Variants in PTPN3 observed in about 807,000 individuals in gnomAD.
The protein encoded by PTPN3 is tyrosine-protein phosphatase non-receptor type 3.
PTPN3 carries 96 observed loss-of-function variants against 132.7 expected under a neutral mutation model. That is an observed-to-expected ratio of 0.72 (90% CI 0.61 to 0.86). The LOEUF (loss-of-function observed/expected upper bound fraction) is 0.86, where lower values mean the gene tolerates loss of function less well. Among genes scored for constraint, PTPN3 ranks in the 40% least tolerant of loss-of-function variants. PTPN3 has a pLI of 0.00. For missense variants in PTPN3, 1,125 were observed against 1,159.6 expected, an observed-to-expected ratio of 0.97 and a Z score of 0.43; for synonymous variants, 398 against 429.0, an observed-to-expected ratio of 0.93 and a Z score of 0.89.
chr9:109,462,218 G>A (rs1845877880), intron 2 of PTPN3, among the ~76,000 whole-genome samples: 1 of 152,226 alleles, frequency 6.6e-6, no homozygotes, highest in South Asian at 2.1e-4. Context: ...TGCACTGACA[G>A]GGAGACGTCT....
intron 1 of PTPN3, among the ~76,000 whole-genome samples, chr9:109,495,135 C>CT (rs930049262): frequency 6.6e-6 from 1 of 152,198 alleles, no homozygotes; most frequent in Non-Finnish European, 1.5e-5. Flanking sequence ...CCTCCTGTCT[C>CT]TATTAGAGTT....
the PTPN3 span, among the ~76,000 whole-genome samples, chr9:109,534,999 C>G: frequency 2.6e-5 from 4 of 152,164 alleles, no homozygotes; most frequent in Admixed American, 1.3e-4. Flanking sequence ...AGTATTTGTT[C>G]AAAGACAGGT....
At chr9:109,537,939 T>C in the PTPN3 span, among the ~76,000 whole-genome samples, 2 of 152,226 alleles carry the variant, frequency 1.3e-5, no homozygotes, top group Non-Finnish European at 2.9e-5. Context: ...GTCATAGAAG[T>C]GTAGTTTAAG....
chr9:109,443,102 G>T (rs1345234213), intron 7 of PTPN3, among the ~76,000 whole-genome samples: 2 of 149,178 alleles, frequency 1.3e-5, no homozygotes, highest in Non-Finnish European at 3.0e-5. Flanking sequence ...TTGAGACAGG[G>T]TATCACTCTG....
At chr9:109,381,831 C>A (rs1481419311) in intron 24 of PTPN3, 44 bp from the exon 25 acceptor site, 1 of 1,611,844 alleles carries the variant, frequency 6.2e-7, no homozygotes, top group Non-Finnish European at 8.5e-7. Flanking sequence ...GTCTGAGTAG[C>A]CTTTCTGCAT....
chr9:109,421,818 G>C (rs1446528368), intron 13 of PTPN3, among the ~76,000 whole-genome samples: 1 of 150,196 alleles, frequency 6.7e-6, no homozygotes, highest in East Asian at 1.9e-4. Context: ...CATCTCCTCT[G>C]TCTGCCTGTC....
intron 10 of PTPN3, among the ~76,000 whole-genome samples, chr9:109,430,018 A>G (rs1162620137): frequency 6.6e-6 from 1 of 152,206 alleles, no homozygotes; most frequent in Admixed American, 6.5e-5. Context: ...TACCTAATAC[A>G]CATCTATTTT....
chr9:109,386,345 C>T (rs1302304613), intron 22 of PTPN3, among the ~76,000 whole-genome samples: 1 of 152,208 alleles, frequency 6.6e-6, no homozygotes, highest in African/African-American at 2.4e-5. Flanking sequence ...TAGTGGGAGT[C>T]ATGGGCCAAA....
intron 12 of PTPN3, among the ~76,000 whole-genome samples, chr9:109,423,228 T>C (rs1285744462): frequency 6.6e-6 from 1 of 152,226 alleles, no homozygotes; most frequent in East Asian, 1.9e-4. Context: ...TTTTTTCAGG[T>C]GCTCTTCATC....
intron 1 of PTPN3, among the ~76,000 whole-genome samples, chr9:109,482,896 G>A (rs139158277): frequency 0.03 from 4,598 of 152,254 alleles, 105 homozygotes; most frequent in Middle Eastern, 0.058. Flanking sequence ...CAGGGTCCTC[G>A]TCAGCACTCG....
the PTPN3 span, among the ~76,000 whole-genome samples, chr9:109,531,427 C>G: frequency 6.6e-6 from 1 of 152,242 alleles, no homozygotes; most frequent in East Asian, 1.9e-4. Flanking sequence ...ATGCCAAAAG[C>G]GTCCTGGGAA....
At chr9:109,500,628 AAAAAAAAACCGCAGAAAACAGGTCGGGTG>A (rs1337078611), upstream of PTPN3, among the ~76,000 whole-genome samples, 2 of 151,768 alleles carry the variant, frequency 1.3e-5, no homozygotes, top group Admixed American at 6.6e-5. Context: ...TAAATGAAAA[AAAAAAAAACCGCAGAAAACAGGTCGGGTG>A]AGGTGGCTCA....
chr9:109,533,326 A>G, the PTPN3 span: 3 of 453,538 alleles, frequency 6.6e-6, no homozygotes, highest in South Asian at 6.6e-5. Flanking sequence ...TTGTATTTTT[A>G]GTAGAGACGG....
intron 1 of PTPN3, among the ~76,000 whole-genome samples, chr9:109,488,159 T>A (rs1847299977): frequency 6.7e-6 from 1 of 149,198 alleles, no homozygotes; most frequent in African/African-American, 2.5e-5. Flanking sequence ...TGAAGTGGCA[T>A]GATCTGGCTC....
chr9:109,439,326 A>G (rs557721983), intron 7 of PTPN3, among the ~76,000 whole-genome samples: 1 of 152,214 alleles, frequency 6.6e-6, no homozygotes, highest in South Asian at 2.1e-4. Context: ...CCGATCTCGT[A>G]TTCCATTTTC....
upstream of PTPN3, among the ~76,000 whole-genome samples, chr9:109,500,140 G>T (rs1202118427): frequency 6.6e-6 from 1 of 152,262 alleles, no homozygotes; most frequent in African/African-American, 2.4e-5. Flanking sequence ...CCGAGTGGAA[G>T]TTGAGTGAAA....
At chr9:109,499,668 A>G (rs934780044), upstream of PTPN3, among the ~76,000 whole-genome samples, 4 of 152,210 alleles carry the variant, frequency 2.6e-5, no homozygotes, top group African/African-American at 4.8e-5. Flanking sequence ...CCTGGGTGCC[A>G]GGTCCTGGGG....
rs1259643408 is a variant in PTPN3 at position 109,454,674 on chromosome 9, A to G, written c.290-100T>C. The G allele has an allele frequency of 1.1e-5, 10 of 886,808 alleles. No individual in the cohort carries two copies. In the East Asian group the frequency reaches 2.0e-4, roughly 17 times the overall value. The allele number at this position is 886,808 out of a possible 1,614,324, so 54.9% of individuals were successfully genotyped here. On this transcript the variant is annotated intron_variant, in intron 4 of 25. Coordinates refer to ENST00000374541, the MANE Select transcript of PTPN3 (RefSeq NM_002829.4). Reference sequence around the variant, plus strand: ...AAGTGATGCATTTTTTCACTCAACCATAGCTTTTTCCATTATAAAAGGGCT... The same window carrying G: ...AAGTGATGCATTTTTTCACTCAACCGTAGCTTTTTCCATTATAAAAGGGCT...
chr9:109,414,282 A>T (rs1440379215), intron 14 of PTPN3, among the ~76,000 whole-genome samples: 1 of 152,220 alleles, frequency 6.6e-6, no homozygotes, highest in Non-Finnish European at 1.5e-5. Flanking sequence ...GTGCACAGGA[A>T]CCAGCTGGGG....
Sources: gnomAD v4.1 joint callset for allele counts (sites outside exome capture counted in the v4.1 genomes callset) on GRCh38, gnomAD v4.1.1 for gene constraint, MANE v1.5 for transcripts, NCBI Gene and HGNC (gene_info 2026-07-23, HGNC 2026-07-21) for gene names.